TRIO: variants seen among roughly 807,000 people sequenced by gnomAD.
The protein encoded by TRIO is triple functional domain protein.
TRIO carries 58 observed loss-of-function variants against 351.9 expected under a neutral mutation model. That is an observed-to-expected ratio of 0.16 (90% CI 0.13 to 0.21). TRIO has a LOEUF of 0.21. TRIO is among the 10% of genes least tolerant of loss of function. The probability of loss-of-function intolerance (pLI) is 1.00; values close to 1 mark genes in which losing one functional copy is unlikely to be tolerated. For missense variants in TRIO, 3,201 were observed against 4,027.8 expected, an observed-to-expected ratio of 0.79 and a Z score of 5.56; for synonymous variants, 1,758 against 1,595.7, an observed-to-expected ratio of 1.10 and a Z score of -2.42.
At chr5:14,480,127 A>G (rs1755404722) in intron 43 of TRIO, 116 bp downstream of exon 43, 1 of 877,822 alleles carries the variant, frequency 1.1e-6, no homozygotes, top group East Asian at 2.7e-5. Flanking sequence ...TAACAGGTAT[A>G]TTATTTCTGA....
intron 1 of TRIO, among the ~76,000 whole-genome samples, chr5:14,200,137 G>A (rs1791015389): frequency 6.6e-6 from 1 of 152,062 alleles, no homozygotes; most frequent in Admixed American, 6.5e-5. Context: ...TCCTCTGGGT[G>A]CCAGGCATTA....
Position 14,504,557 on chromosome 5 carries a change from T to C in TRIO, c.8576T>C (p.Phe2859Ser), listed in dbSNP as rs779266567. Reference protein sequence around the residue: ...HPLLVGLLDTFETPTSYILVL... With the variant: ...HPLLVGLLDTSETPTSYILVL... ...CTGCTTGTCGGCCTCCTCGACACCT[T>C]TGAGACCCCCACCAGCTACATCCTG... The change falls in exon 55 of 57, where the codon TTT becomes TCT. Residue 2859 changes from phenylalanine (F) to serine (S), a missense_variant. Transcript: ENST00000344204. 1.2e-6 allele frequency: 2 copies of C among 1,614,074 alleles called. No homozygotes were observed. Among genetic ancestry groups the C allele is most frequent in the Non-Finnish European group, 8.5e-7 (1 of 1,180,008 alleles).
chr5:14,488,594 G>C (rs1756228875), intron 48 of TRIO: 1 of 492,842 alleles, frequency 2.0e-6, no homozygotes, highest in South Asian at 3.4e-5. Flanking sequence ...TTTTTGGAGG[G>C]TTCCTTTTCC....
At chr5:14,328,562 G>A (rs983010723) in intron 9 of TRIO, among the ~76,000 whole-genome samples, 8 of 152,208 alleles carry the variant, frequency 5.3e-5, no homozygotes, top group South Asian at 4.1e-4. Flanking sequence ...ATAATGTACC[G>A]AATACATTAG....
At chr5:14,322,905 C>A (rs143702511) in intron 9 of TRIO, among the ~76,000 whole-genome samples, 3 of 152,104 alleles carry the variant, frequency 2.0e-5, no homozygotes, top group African/African-American at 7.2e-5. Context: ...AACTACTGGG[C>A]GCAGGTAGAG....
Position 14,502,640 on chromosome 5 carries a change from A to G in TRIO, c.8394A>G (p.Glu2798=). The G allele has an allele frequency of 6.2e-7, 1 of 1,614,206 alleles. No individual in the cohort carries two copies. Among genetic ancestry groups the G allele is most frequent in the South Asian group, 1.1e-5 (1 of 91,082 alleles). Reference sequence around the variant, plus strand: ...ACAACTTTGACTCCTTCTACAGTGAAGTGGCTGAGCTTGGCAGGTATGATG... The same window carrying G: ...ACAACTTTGACTCCTTCTACAGTGAGGTGGCTGAGCTTGGCAGGTATGATG... ...WKDNFDSFYS[E]VAELGRGRFS... Residue 2798 remains glutamate, a synonymous_variant, in exon 54 of 57, where the codon GAA becomes GAG. Transcript: ENST00000344204.
chr5:14,244,970 G>T (rs967993685), intron 1 of TRIO, among the ~76,000 whole-genome samples: 1 of 152,176 alleles, frequency 6.6e-6, no homozygotes, highest in Non-Finnish European at 1.5e-5. Context: ...GGCCCAGGGG[G>T]ATGCAGCTCC....
intron 8 of TRIO, among the ~76,000 whole-genome samples, chr5:14,308,504 C>T (rs946129587): frequency 3.3e-5 from 5 of 151,444 alleles, no homozygotes; most frequent in African/African-American, 1.2e-4. Context: ...TCCGTCCATC[C>T]ATCCACCCTC....
intron 43 of TRIO, among the ~76,000 whole-genome samples, chr5:14,480,971 A>T (rs1755466950): frequency 6.7e-6 from 1 of 148,464 alleles, no homozygotes; most frequent in Non-Finnish European, 1.5e-5. Flanking sequence ...TTGTCTATTT[A>T]AAAAAAAAAA....
Position 14,313,382 on chromosome 5 carries a change from T to TA in TRIO, c.1501-3128dup, listed in dbSNP as rs138091850. Reference sequence around the variant, plus strand: ...CATGATCTCTGGCATGGAGATCTGTTAAACAGTTGCAGAGACACTCAAGGA... The same window carrying TA: ...CATGATCTCTGGCATGGAGATCTGTTAAAACAGTTGCAGAGACACTCAAGGA... On this transcript the variant is annotated intron_variant, in intron 8 of 56. Coordinates refer to ENST00000344204, the MANE Select transcript of TRIO (RefSeq NM_007118.4). Among the ~76,000 whole-genome samples the TA allele has an allele frequency of 5.5e-3, 842 of 152,356 alleles. 7 individuals are homozygous for TA. Among genetic ancestry groups the TA allele is most frequent in the African/African-American group, 0.018 (757 of 41,576 alleles).
rs996108644 is a variant in TRIO at position 14,290,707 on chromosome 5, T to C, written c.541-9T>C. 7 of 1,575,144 alleles carry C rather than the reference T, an allele frequency of 4.4e-6. No individual in the cohort carries two copies. The highest frequency in any genetic ancestry group is 1.4e-5 in the African/African-American group (1 of 73,080). ...TCATCTTCTCATACGTGATTTTTTT[T>C]CCCTTAAGACAAATATGGTCTCTTT... is the stretch of plus-strand genomic sequence containing the variant. On this transcript the variant is annotated splice_polypyrimidine_tract_variant and intron_variant, in intron 4 of 56. Coordinates refer to ENST00000344204, the MANE Select transcript of TRIO (RefSeq NM_007118.4).
chr5:14,419,237 G>C (rs1203430661), intron 33 of TRIO, among the ~76,000 whole-genome samples: 1 of 152,052 alleles, frequency 6.6e-6, no homozygotes, highest in Non-Finnish European at 1.5e-5. Context: ...GCCACACCAA[G>C]GGGAGCCCTG....
At chr5:14,275,847 C>G (rs1166353400) in intron 2 of TRIO, among the ~76,000 whole-genome samples, 1 of 141,380 alleles carries the variant, frequency 7.1e-6, no homozygotes, top group Admixed American at 7.1e-5. Flanking sequence ...GAGTAAAACA[C>G]AACTCTGTCT....
intron 1 of TRIO, among the ~76,000 whole-genome samples, chr5:14,186,990 G>A (rs905445735): frequency 1.3e-5 from 2 of 152,170 alleles, no homozygotes; most frequent in African/African-American, 2.4e-5. Flanking sequence ...TTAATGTTTA[G>A]TAATATTTGT....
At chr5:14,365,433 C>T (rs191545013) in intron 15 of TRIO, among the ~76,000 whole-genome samples, 2 of 152,262 alleles carry the variant, frequency 1.3e-5, no homozygotes, top group Admixed American at 1.3e-4. Context: ...CTTAAGATGC[C>T]TCTGGACCAT....
intron 3 of TRIO, among the ~76,000 whole-genome samples, chr5:14,285,533 A>C (rs1736366854): frequency 6.6e-6 from 1 of 151,786 alleles, no homozygotes; most frequent in Non-Finnish European, 1.5e-5. Flanking sequence ...TGTGAGTGTG[A>C]GTTAGTTGGG....
chr5:14,181,716 CAG>C (rs1789780685), intron 1 of TRIO, among the ~76,000 whole-genome samples: 1 of 152,168 alleles, frequency 6.6e-6, no homozygotes, highest in Admixed American at 6.5e-5. Flanking sequence ...AGACCAATGT[CAG>C]GGGTCTGTAA....
chr5:14,440,682 A>G (rs557349703), intron 34 of TRIO: 3 of 152,314 alleles, frequency 2.0e-5, no homozygotes, highest in South Asian at 4.1e-4. Flanking sequence ...CCAGTTGGCT[A>G]TTAGGCCGCA....
intron 29 of TRIO, chr5:14,397,384 C>T: frequency 2.2e-6 from 1 of 453,442 alleles, no homozygotes; most frequent in Non-Finnish European, 4.0e-6. Flanking sequence ...TCTCCACACT[C>T]TGGACTCCAA....
Sources: gnomAD v4.1 joint callset for allele counts (sites outside exome capture counted in the v4.1 genomes callset) on GRCh38, gnomAD v4.1.1 for gene constraint, MANE v1.5 for transcripts, NCBI Gene and HGNC (gene_info 2026-07-23, HGNC 2026-07-21) for gene names.